Variants in RIN2 observed in about 807,000 individuals in gnomAD.
RIN2 encodes the protein RAB5 interacting protein 2.
RIN2 carries 36 observed loss-of-function variants against 78.0 expected under a neutral mutation model. The ratio of observed to expected loss-of-function variants is 0.46; its 90% CI spans 0.35 to 0.61. The LOEUF is 0.61. Among genes scored for constraint, RIN2 ranks in the 20% least tolerant of loss-of-function variants. The probability of loss-of-function intolerance (pLI) is 0.00; values close to 1 mark genes in which losing one functional copy is unlikely to be tolerated. For synonymous variants in RIN2, 466 were observed against 466.8 expected (o/e 1.00, Z 0.02); for missense variants, 1,087 against 1,159.7 (o/e 0.94, Z 0.91).
In RIN2 at chr20:19,758,317, G is replaced by T. The variant is rs2033463019; in HGVS notation, c.-173G>T. 6.6e-6 allele frequency: 1 copy of T among 152,286 alleles called. No homozygotes were observed. The highest frequency in any genetic ancestry group is 1.5e-5 in the Non-Finnish European group (1 of 68,112). 9.4% of individuals were successfully genotyped at this position (152,286 alleles called of 1,614,324 possible). A position where few individuals can be genotyped will look rare whatever the true frequency, so the allele number is the denominator to read the frequency against. The stretch of plus-strand genomic sequence containing the variant: ...CCCGCCTCCGGGACCTGCGGGGAGG[G>T]CCCGCGAGAGGTAAGGGGCGGTGGC... On this transcript the variant is annotated 5_prime_UTR_variant, in exon 1 of 13. Coordinates refer to ENST00000255006, the MANE Select transcript of RIN2 (RefSeq NM_018993.4).
chr20:19,847,168 A>T (rs1268758545), intron 2 of RIN2, among the ~76,000 whole-genome samples: 1 of 152,178 alleles, frequency 6.6e-6, no homozygotes, highest in Non-Finnish European at 1.5e-5. Flanking sequence ...GATCCTCTTG[A>T]GGGATGCTCA....
At chr20:19,949,881 G>T (rs1454542007) in intron 4 of RIN2, among the ~76,000 whole-genome samples, 1 of 152,200 alleles carries the variant, frequency 6.6e-6, no homozygotes, top group East Asian at 1.9e-4. Context: ...TCTCTGAGGT[G>T]AATCTGATTC....
intron 2 of RIN2, among the ~76,000 whole-genome samples, chr20:19,841,977 C>A (rs1033769360): frequency 1.3e-5 from 2 of 152,224 alleles, no homozygotes; most frequent in Non-Finnish European, 2.9e-5. Flanking sequence ...AAGATGTCAT[C>A]TACAGCTCTT....
At position 19,932,098 on chromosome 20, in the gene RIN2, C is replaced by T. The variant is rs186171805; in HGVS notation, c.58-3001C>T. ...TGTTGAAATTTAATTGCCATTGTAA[C>T]GGTCTTAAAAGGTGAGACCTTTAAC... On this transcript the variant is annotated intron_variant, in intron 3 of 12. Transcript: ENST00000255006. Among the ~76,000 whole-genome samples, 6 of 152,256 alleles carry T rather than the reference C, an allele frequency of 3.9e-5. No individual in the cohort carries two copies. The East Asian group carries it at 9.7e-4, about 25-fold the overall frequency.
intron 2 of RIN2, among the ~76,000 whole-genome samples, chr20:19,850,824 A>C (rs541676987): frequency 2.0e-5 from 3 of 152,202 alleles, no homozygotes; most frequent in East Asian, 3.9e-4. Flanking sequence ...AAAACCAAAA[A>C]TTAGCCTGGC....
In RIN2 at chr20:19,846,193, A is replaced by T. The variant is rs1600602668; in HGVS notation, c.-36-43373A>T. Among the ~76,000 whole-genome samples the T allele has an allele frequency of 2.0e-5, 3 of 152,142 alleles. No homozygotes were observed. In the East Asian group the frequency reaches 5.8e-4, roughly 29 times the overall value. On this transcript the variant is annotated intron_variant, in intron 2 of 12. Coordinates refer to ENST00000255006, the MANE Select transcript of RIN2 (RefSeq NM_018993.4). ...TCCAGCTTTGTTCTTTTTGCTTAGGATTGTCTTGGCTATACGGGCTCTTTT... is the reference window on the plus strand; with the variant it reads ...TCCAGCTTTGTTCTTTTTGCTTAGGTTTGTCTTGGCTATACGGGCTCTTTT...
chr20:19,789,165 T>C (rs1306686360), intron 1 of RIN2, among the ~76,000 whole-genome samples: 1 of 152,150 alleles, frequency 6.6e-6, no homozygotes, highest in East Asian at 1.9e-4. Context: ...TAAGCGGGTG[T>C]GGAGGCGGGA....
chr20:19,807,047 T>A (rs1050030339), intron 2 of RIN2, among the ~76,000 whole-genome samples: 2 of 152,202 alleles, frequency 1.3e-5, no homozygotes, highest in African/African-American at 2.4e-5. Flanking sequence ...CAGCAACACT[T>A]AGCACACGCT....
At chr20:19,768,190 T>A (rs1255795508) in intron 1 of RIN2, among the ~76,000 whole-genome samples, 1 of 152,122 alleles carries the variant, frequency 6.6e-6, no homozygotes, top group Non-Finnish European at 1.5e-5. Flanking sequence ...TCCTTGTCTA[T>A]AACAGGAGAT....
At chr20:19,818,104 A>G (rs1196933829) in intron 2 of RIN2, among the ~76,000 whole-genome samples, 1 of 150,660 alleles carries the variant, frequency 6.6e-6, no homozygotes, top group African/African-American at 2.5e-5. Flanking sequence ...TGCAGCATGT[A>G]CTGTACTGAA....
intron 9 of RIN2, among the ~76,000 whole-genome samples, chr20:19,982,183 T>A (rs1333210402): frequency 1.3e-5 from 2 of 152,142 alleles, no homozygotes; most frequent in Non-Finnish European, 2.9e-5. Flanking sequence ...AGGTGTCAGA[T>A]GCATACAATT....
At chr20:19,759,389 A>C (rs2122260659) in intron 1 of RIN2, among the ~76,000 whole-genome samples, 1 of 152,324 alleles carries the variant, frequency 6.6e-6, no homozygotes, top group Non-Finnish European at 1.5e-5. Context: ...ATACTGAAGC[A>C]AAAAGAAACA....
At chr20:19,782,892 G>C (rs746397218) in intron 1 of RIN2, among the ~76,000 whole-genome samples, 2 of 152,202 alleles carry the variant, frequency 1.3e-5, no homozygotes, top group African/African-American at 2.4e-5. Context: ...TGCATCCCCT[G>C]CCTACCTGTA....
chr20:19,825,293 C>T (rs1467403332), intron 2 of RIN2, among the ~76,000 whole-genome samples: 2 of 152,126 alleles, frequency 1.3e-5, no homozygotes, highest in Non-Finnish European at 2.9e-5. Flanking sequence ...GACAGCCCTG[C>T]TACCTGGTTG....
chr20:19,899,606 TCATAGTCTCATCTGAAG>T (rs1332655218), intron 3 of RIN2, among the ~76,000 whole-genome samples: 2 of 152,068 alleles, frequency 1.3e-5, no homozygotes, highest in Non-Finnish European at 2.9e-5. Flanking sequence ...GTGGCCAGGG[TCATAGTCTCATCTGAAG>T]GCTTGACTGG....
At chr20:19,845,765 C>T (rs2091443177) in intron 2 of RIN2, among the ~76,000 whole-genome samples, 1 of 152,020 alleles carries the variant, frequency 6.6e-6, no homozygotes, top group African/African-American at 2.4e-5. Context: ...GCTTTTGTTG[C>T]CATTGCTTTT....
At chr20:19,802,067 G>A (rs186266689) in intron 2 of RIN2, among the ~76,000 whole-genome samples, 17 of 152,258 alleles carry the variant, frequency 1.1e-4, no homozygotes, top group African/African-American at 3.9e-4. Flanking sequence ...TTTCAAGAGG[G>A]GAAAAGCCAA....
chr20:19,904,936 C>T (rs565098804), intron 3 of RIN2, among the ~76,000 whole-genome samples: 2 of 152,310 alleles, frequency 1.3e-5, no homozygotes, highest in East Asian at 3.9e-4. Context: ...TCTACACTTG[C>T]TTCTTCAGGT....
At chr20:19,987,922 T>C (rs943171621) in intron 9 of RIN2, among the ~76,000 whole-genome samples, 3 of 152,202 alleles carry the variant, frequency 2.0e-5, no homozygotes, top group Non-Finnish European at 4.4e-5. Context: ...CAACTTGGGC[T>C]GGGGAATCTG....
Sources: gnomAD v4.1 joint callset for allele counts (sites outside exome capture counted in the v4.1 genomes callset) on GRCh38, gnomAD v4.1.1 for gene constraint, MANE v1.5 for transcripts, NCBI Gene and HGNC (gene_info 2026-07-23, HGNC 2026-07-21) for gene names.